ICE1: variants seen among roughly 807,000 people sequenced by gnomAD.
ICE1 encodes little elongation complex subunit 1.
ICE1 carries 64 observed loss-of-function variants against 192.7 expected under a neutral mutation model. The ratio of observed to expected loss-of-function variants is 0.33; its 90% CI spans 0.27 to 0.41. The LOEUF (loss-of-function observed/expected upper bound fraction) is 0.41, where lower values mean the gene tolerates loss of function less well. Ranked by LOEUF, ICE1 falls within the 10% of genes least tolerant of loss-of-function variation. The pLI is 1.00. For synonymous variants in ICE1, 1,010 were observed against 984.5 expected, an observed-to-expected ratio of 1.03 and a Z score of -0.49; for missense variants, 2,708 against 2,696.0, an observed-to-expected ratio of 1.00 and a Z score of -0.10.
intron 12 of ICE1, 144 bp downstream of exon 12, chr5:5,457,885 T>A: frequency 1.3e-6 from 1 of 753,354 alleles, no homozygotes; most frequent in Non-Finnish European, 2.2e-6. Flanking sequence ...ATGAGGTTTT[T>A]AAAAAGCATG....
chr5:5,487,362 A>G (rs1157862817), intron 18 of ICE1, among the ~76,000 whole-genome samples: 1 of 152,158 alleles, frequency 6.6e-6, no homozygotes, highest in Non-Finnish European at 1.5e-5. Flanking sequence ...ACTCAAAGTA[A>G]CTCTTATAAG....
intron 14 of ICE1, 58 bp downstream of exon 14, chr5:5,466,560 T>C: frequency 1.5e-6 from 2 of 1,357,766 alleles, no homozygotes; most frequent in Admixed American, 2.3e-5. Context: ...TTTTCCCTTA[T>C]ACTGGAGTCT....
intron 3 of ICE1, among the ~76,000 whole-genome samples, chr5:5,439,631 C>G (rs964632704): frequency 3.3e-5 from 5 of 152,074 alleles, no homozygotes; most frequent in Non-Finnish European, 7.4e-5. Flanking sequence ...TCTTTTAATT[C>G]TGATCATACA....
At chr5:5,460,310 C>T (rs1738728979) in intron 12 of ICE1, 126 bp from the exon 13 acceptor site, 22 of 697,834 alleles carry the variant, frequency 3.2e-5, no homozygotes, top group Non-Finnish European at 4.7e-5. Flanking sequence ...CCTAGCCTGC[C>T]CCTGCTCAAA....
At position 5,476,045 on chromosome 5, in the gene ICE1, T is replaced by C. The variant is rs780965326; in HGVS notation, c.6486T>C (p.Pro2162=). 5.0e-6 allele frequency: 8 copies of C among 1,608,960 alleles called. No homozygotes were observed. The South Asian group carries it at 7.7e-5, about 16-fold the overall frequency. ...RKGHANIAYT[P]DIIIASILRL... ...GACATGCAAACATTGCGTATACTCC[T>C]GATATTATTATAGCCTCAATACTGA... The change falls in exon 17 of 19, where the codon CCT becomes CCC. Residue 2162 remains proline (P), a synonymous_variant. Coordinates refer to ENST00000296564, the MANE Select transcript of ICE1 (RefSeq NM_015325.3).
chr5:5,465,828 C>T (rs1057459196), intron 13 of ICE1, among the ~76,000 whole-genome samples: 2 of 151,962 alleles, frequency 1.3e-5, no homozygotes, highest in Non-Finnish European at 2.9e-5. Flanking sequence ...TAAGGAGCTC[C>T]GTAAGTCACT....
intron 2 of ICE1, among the ~76,000 whole-genome samples, chr5:5,436,743 A>C (rs1737882432): frequency 6.6e-6 from 1 of 152,202 alleles, no homozygotes; most frequent in Non-Finnish European, 1.5e-5. Context: ...TCTGTCTTCA[A>C]AGCCTTCTTA....
chr5:5,443,625 A>C (rs998017799), intron 6 of ICE1, among the ~76,000 whole-genome samples: 7 of 152,192 alleles, frequency 4.6e-5, no homozygotes, highest in Non-Finnish European at 8.8e-5. Flanking sequence ...TCAGAACATA[A>C]TGACTGACCC....
At chr5:5,423,057 G>T in intron 1 of ICE1, 58 bp downstream of exon 1, 1 of 1,219,498 alleles carries the variant, frequency 8.2e-7, no homozygotes, top group Non-Finnish European at 1.1e-6. Context: ...CCGGCCGGGA[G>T]CGCAGGGATG....
intron 18 of ICE1, among the ~76,000 whole-genome samples, chr5:5,488,934 C>T (rs1739712527): frequency 6.6e-6 from 1 of 152,114 alleles, no homozygotes; most frequent in African/African-American, 2.4e-5. Context: ...CTGCTGGGGC[C>T]AGGAAACTAC....
At chr5:5,473,392 A>C (rs567590334) in intron 15 of ICE1, among the ~76,000 whole-genome samples, 166 bp from the exon 16 acceptor site, 1 of 152,306 alleles carries the variant, frequency 6.6e-6, no homozygotes, top group Admixed American at 6.5e-5. Flanking sequence ...TTGTGTAATC[A>C]TTCTGTGACT....
intron 10 of ICE1, among the ~76,000 whole-genome samples, chr5:5,450,998 C>T: frequency 6.6e-6 from 1 of 152,098 alleles, no homozygotes; most frequent in East Asian, 1.9e-4. Context: ...AAACCACACA[C>T]CTGGAGTTTG....
rs772370854 is a variant in ICE1 at position 5,457,462 on chromosome 5, G to A, written c.822G>A (p.Lys274=). 5.0e-6 allele frequency: 8 copies of A among 1,613,838 alleles called. No individual in the cohort carries two copies. The South Asian group carries it at 8.8e-5, about 18-fold the overall frequency. The part of the protein sequence containing the change: ...TCLTKLSMEI[K]EDFLCQNVEK... ...TCACAAAACTGTCCATGGAGATAAA[G>A]GAGGACTTTTTATGTCAAAATGTGG... The change falls in exon 12 of 19, where the codon AAG becomes AAA. Residue 274 remains lysine (K), a synonymous_variant. Coordinates refer to ENST00000296564, the MANE Select transcript of ICE1 (RefSeq NM_015325.3).
In ICE1 at chr5:5,443,177, A is replaced by G; in HGVS notation, c.319A>G (p.Lys107Glu). The change falls in exon 6 of 19, where the codon AAG becomes GAG. Residue 107 changes from lysine to glutamate, a missense_variant. By Grantham distance (56) the Lys-to-Glu change is moderately conservative (BLOSUM62 1). Around this residue, in one of 2 missense-constraint regions of ICE1, gnomAD observed 2,366 missense variants for 2,276.6 expected, o/e 1.04. Coordinates refer to ENST00000296564, the MANE Select transcript of ICE1 (RefSeq NM_015325.3). ...TTTTCTTTTTTTAAAGAGTTCTTTA[A>G]AGTTGTATCAGGATACTCATCAGGA... ...AELEEKKSSL[K>E]LYQDTHQEYA... The G allele has an allele frequency of 6.7e-7, 1 of 1,495,132 alleles. No homozygotes were observed. The highest frequency in any genetic ancestry group is 9.0e-7 in the Non-Finnish European group (1 of 1,113,108). The allele number at this position is 1,495,132 out of a possible 1,614,324, so 92.6% of individuals were successfully genotyped here.
chr5:5,488,216 A>C (rs903409439), intron 18 of ICE1, among the ~76,000 whole-genome samples: 1 of 152,112 alleles, frequency 6.6e-6, no homozygotes, highest in South Asian at 2.1e-4. Flanking sequence ...TTCATGTTTG[A>C]ATGTGTGGGC....
rs779793054 is a variant in ICE1, at chr5:5,462,362, G to A, written c.3028G>A (p.Val1010Met). The A allele has an allele frequency of 8.6e-5, 139 of 1,613,930 alleles. No individual in the cohort carries two copies. Among genetic ancestry groups the A allele is most frequent in the Non-Finnish European group, 1.1e-4 (135 of 1,179,912 alleles). ...SEMLPATEVT[V>M]SGGFSVEETS... ...GATGCTTCCAGCCACAGAAGTGACT[G>A]TGTCAGGAGGGTTTTCTGTTGAAGA... The change falls in exon 13 of 19, where the codon GTG becomes ATG. Residue 1010 changes from valine to methionine, a missense_variant. Around this residue, in one of 2 missense-constraint regions of ICE1, gnomAD observed 2,366 missense variants for 2,276.6 expected, o/e 1.04. Coordinates refer to ENST00000296564, the MANE Select transcript of ICE1 (RefSeq NM_015325.3).
chr5:5,444,142 A>G (rs1738133440), intron 6 of ICE1, 147 bp from the exon 7 acceptor site: 2 of 595,366 alleles, frequency 3.4e-6, no homozygotes, highest in Non-Finnish European at 6.0e-6. Flanking sequence ...ACTAAATAGT[A>G]TATTATTCTC....
Position 5,463,343 on chromosome 5 carries a change from C to T in ICE1, c.4009C>T (p.Pro1337Ser), listed in dbSNP as rs1212880035. 6.2e-7 allele frequency: 1 copy of T among 1,613,614 alleles called. No individual in the cohort carries two copies. The highest frequency in any genetic ancestry group is 1.7e-5 in the Admixed American group (1 of 59,976). ...GGGCAGCTCTCCCATCAGCGGTATG[C>T]CTCAGAATGAAAACCCTCAGAGCAG... is the stretch of plus-strand genomic sequence containing the variant. ...TEGSSPISGM[P>S]QNENPQSRPE... Residue 1337 changes from proline to serine, a missense_variant, in exon 13 of 19, where the codon CCT becomes TCT. By Grantham distance (74) the Pro-to-Ser change is moderately conservative. This residue lies in a region of ICE1 where 2,366 missense variants were observed against 2,276.6 expected (regional missense o/e 1.04). Coordinates refer to ENST00000296564, the MANE Select transcript of ICE1 (RefSeq NM_015325.3).
At chr5:5,487,272 G>A (rs1270416743) in intron 18 of ICE1, among the ~76,000 whole-genome samples, 1 of 152,178 alleles carries the variant, frequency 6.6e-6, no homozygotes, top group Non-Finnish European at 1.5e-5. Context: ...GACCTTGTGA[G>A]CAAGGCTTCG....
Sources: allele counts gnomAD v4.1 joint callset (sites outside exome capture counted in the v4.1 genomes callset), GRCh38; gene constraint gnomAD v4.1.1; regional missense constraint gnomAD v4.1.1; transcripts MANE v1.5; gene names NCBI Gene and HGNC (gene_info 2026-07-23, HGNC 2026-07-21).